The following APBA1 variants were observed in gnomAD, a reference collection of about 807,000 sequenced individuals.
APBA1 encodes amyloid beta precursor protein binding family A member 1, also known as amyloid-beta A4 precursor protein-binding family A member 1.
APBA1 carries 55 observed loss-of-function variants against 86.6 expected under a neutral mutation model. The observed-to-expected ratio is 0.64, with a 90% confidence interval of 0.51 to 0.80. The LOEUF is 0.80. APBA1 is among the 30% of genes least tolerant of loss of function. APBA1 has a pLI of 0.00. For missense variants in APBA1, 1,090 were observed against 1,183.0 expected, an observed-to-expected ratio of 0.92 and a Z score of 1.15; for synonymous variants, 511 against 493.9, an observed-to-expected ratio of 1.03 and a Z score of -0.46.
chr9:69,655,249 A>G (rs1018084043), intron 1 of APBA1, among the ~76,000 whole-genome samples: 2 of 152,154 alleles, frequency 1.3e-5, no homozygotes, highest in African/African-American at 4.8e-5. Flanking sequence ...CCACATTGGG[A>G]AGGAAGAAGT....
chr9:69,660,864 A>G (rs1166089028), intron 1 of APBA1, among the ~76,000 whole-genome samples: 1 of 152,148 alleles, frequency 6.6e-6, no homozygotes, highest in Non-Finnish European at 1.5e-5. Context: ...TGAAAGGACA[A>G]GAGAGATGGA....
intron 1 of APBA1, among the ~76,000 whole-genome samples, chr9:69,545,367 C>T (rs2133922409): frequency 6.6e-6 from 1 of 152,328 alleles, no homozygotes; most frequent in East Asian, 1.9e-4. Context: ...TATGGCCAGG[C>T]TGCACCTCTG....
intron 1 of APBA1, among the ~76,000 whole-genome samples, chr9:69,644,856 T>A (rs945906471): frequency 6.6e-6 from 1 of 152,162 alleles, no homozygotes; most frequent in Admixed American, 6.5e-5. Context: ...TTCAAGAAGA[T>A]GTCTGGTAGC....
intron 2 of APBA1, among the ~76,000 whole-genome samples, chr9:69,505,455 AG>A (rs1490598595): frequency 6.6e-6 from 1 of 152,094 alleles, no homozygotes; most frequent in Non-Finnish European, 1.5e-5. Flanking sequence ...CATCACAGCC[AG>A]TTACCACTAG....
chr9:69,483,152 C>CAAAAAAAA (rs1554691982), intron 2 of APBA1, among the ~76,000 whole-genome samples: 3 of 133,754 alleles, frequency 2.2e-5, no homozygotes, highest in Non-Finnish European at 3.2e-5. Context: ...AACAAAAAAA[C>CAAAAAAAA]GAAACAAAAA....
chr9:69,567,922 T>C (rs935808659), intron 1 of APBA1, among the ~76,000 whole-genome samples: 1 of 152,096 alleles, frequency 6.6e-6, no homozygotes, highest in African/African-American at 2.4e-5. Flanking sequence ...GGAGAAATGA[T>C]GAAAACTCTT....
intron 5 of APBA1, among the ~76,000 whole-genome samples, chr9:69,459,157 C>T (rs1835150317): frequency 6.6e-6 from 1 of 152,242 alleles, no homozygotes; most frequent in African/African-American, 2.4e-5. Context: ...GGTCAGAGAA[C>T]ACAGTCTGTA....
At position 69,516,752 on chromosome 9, in the gene APBA1, G is replaced by A. The variant is rs768748343; in HGVS notation, c.459C>T (p.His153=). 2 of 1,612,036 alleles carry A rather than the reference G, an allele frequency of 1.2e-6. No individual in the cohort carries two copies. Among genetic ancestry groups the A allele is most frequent in the Admixed American group, 1.7e-5 (1 of 59,946 alleles). ...TCATGGCTTCCTCGTGCTCCAGCGA[G>A]TGGAAGTGCAGGTGGTTGGGCAGCG... is the stretch of plus-strand genomic sequence containing the variant. ...RRALPNHLHF[H]SLEHEEAMNA... is the part of the protein sequence containing the mutation. Residue 153 remains histidine (H), a synonymous_variant, in exon 2 of 13, where the codon CAC becomes CAT. Coordinates refer to ENST00000265381, the MANE Select transcript of APBA1 (RefSeq NM_001163.4). This position sits in a 1 kb window ranked among gnomAD's most constrained non-coding sequence, Gnocchi z 7.3.
In APBA1 at chr9:69,578,032, T is replaced by G. The variant is rs76639941; in HGVS notation, c.-69-60753A>C. Among the ~76,000 whole-genome samples, 1,303 of 152,316 alleles carry G rather than the reference T, an allele frequency of 8.6e-3. 19 individuals carry two copies. Among genetic ancestry groups the G allele is most frequent in the African/African-American group, 0.03 (1,229 of 41,568 alleles). ...CTCACCTAAAATGAAGGACCCTAGATTGGCTGTGTTGAAGGTAAGTGTAAA... is the reference window on the plus strand; with the variant it reads ...CTCACCTAAAATGAAGGACCCTAGAGTGGCTGTGTTGAAGGTAAGTGTAAA... On this transcript the variant is annotated intron_variant, in intron 1 of 12. Coordinates refer to ENST00000265381, the MANE Select transcript of APBA1 (RefSeq NM_001163.4).
intron 1 of APBA1, among the ~76,000 whole-genome samples, chr9:69,564,858 A>G (rs2133942080): frequency 6.6e-6 from 1 of 152,356 alleles, no homozygotes; most frequent in Non-Finnish European, 1.5e-5. Flanking sequence ...TCAAGCAGAT[A>G]CTTGTATATC....
In APBA1 at chr9:69,668,671, C is replaced by T. The variant is rs574540859; in HGVS notation, c.-70+3482G>A. Reference sequence around the variant, plus strand: ...TAGCTTGGCGTACAAGTTGCTCCACCACCTTGAACAAACCTCTCTTTCTTG... The same window carrying T: ...TAGCTTGGCGTACAAGTTGCTCCACTACCTTGAACAAACCTCTCTTTCTTG... On this transcript the variant is annotated intron_variant, in intron 1 of 12. Coordinates refer to ENST00000265381, the MANE Select transcript of APBA1 (RefSeq NM_001163.4). Among the ~76,000 whole-genome samples the T allele has an allele frequency of 1.4e-4, 21 of 152,322 alleles. No individual in the cohort carries two copies. The South Asian group carries it at 3.5e-3, about 26-fold the overall frequency.
rs1230636691 is a variant in APBA1, at chr9:69,516,387, G to A, written c.824C>T (p.Ala275Val). ...CGAGCTCATGCTCTGCTTCACCTCG[G>A]CCACTATCTGGTCGATGTCCTCCTC... Reference protein sequence around the residue: ...EQEEDIDQIVAEVKQSMSSQS... With the variant: ...EQEEDIDQIVVEVKQSMSSQS... Residue 275 changes from alanine (A) to valine (V), a missense_variant, in exon 2 of 13, where the codon GCC becomes GTC. Ala to Val is a moderately conservative substitution (Grantham distance 64, BLOSUM62 0). Transcript: ENST00000265381. This position sits in a 1 kb window ranked among gnomAD's most constrained non-coding sequence, Gnocchi z 7.3. 1 of 1,603,382 alleles carries A rather than the reference G, an allele frequency of 6.2e-7. No homozygotes were observed. The highest frequency in any genetic ancestry group is 1.1e-5 in the South Asian group (1 of 90,948).
In APBA1 at chr9:69,530,323, T is replaced by C. The variant is rs369813395; in HGVS notation, c.-69-13044A>G. 6.8e-3 allele frequency among the ~76,000 whole-genome samples: 791 copies of C among 116,136 alleles called. 1 individual carries two copies. Among genetic ancestry groups the C allele is most frequent in the African/African-American group, 0.017 (583 of 34,362 alleles). The allele number at this position is 116,136 out of a possible 152,430, so 76.2% of individuals were successfully genotyped here. On this transcript the variant is annotated intron_variant, in intron 1 of 12. Transcript: ENST00000265381. ...GTGTGTGTGTATATATATATATATA[T>C]ATATATACACACACACACACACACA...
At chr9:69,543,276 TCCCC>T (rs5898083) in intron 1 of APBA1, among the ~76,000 whole-genome samples, 4 of 145,184 alleles carry the variant, frequency 2.8e-5, no homozygotes, top group African/African-American at 5.2e-5. Context: ...TGCTGGGATT[TCCCC>T]CCCCCCCCCC....
intron 10 of APBA1, among the ~76,000 whole-genome samples, chr9:69,448,559 G>A (rs1358736076): frequency 6.6e-6 from 1 of 152,100 alleles, no homozygotes; most frequent in African/African-American, 2.4e-5. Flanking sequence ...CCATCCATGT[G>A]TCCTATACAC....
intron 1 of APBA1, among the ~76,000 whole-genome samples, chr9:69,633,205 T>C (rs1472247884): frequency 1.3e-5 from 2 of 152,098 alleles, no homozygotes; most frequent in African/African-American, 4.8e-5. Context: ...AGCTCCCCAC[T>C]GTTGCAAACC....
chr9:69,516,661 A>T lies in APBA1; in HGVS notation c.550T>A (p.Ser184Thr). 1 of 1,608,814 alleles carries T rather than the reference A, an allele frequency of 6.2e-7. No homozygotes were observed. Among genetic ancestry groups the T allele is most frequent in the South Asian group, 1.1e-5 (1 of 90,638 alleles). Reference sequence around the variant, plus strand: ...CCGCCGTAGTCGGCATAGGGCTCGGAGTAGGGCTCGTCCTCACCGCGGTGG... The same window carrying T: ...CCGCCGTAGTCGGCATAGGGCTCGGTGTAGGGCTCGTCCTCACCGCGGTGG... ...LFHRGEDEPY[S>T]EPYADYGGLQ... Residue 184 changes from serine to threonine, a missense_variant, in exon 2 of 13, where the codon TCC becomes ACC. By Grantham distance (58) the Ser-to-Thr change is moderately conservative. Coordinates refer to ENST00000265381, the MANE Select transcript of APBA1 (RefSeq NM_001163.4). This position sits in a 1 kb window ranked among gnomAD's most constrained non-coding sequence, Gnocchi z 7.3.
At chr9:69,536,907 A>T (rs1836521291) in intron 1 of APBA1, among the ~76,000 whole-genome samples, 1 of 150,514 alleles carries the variant, frequency 6.6e-6, no homozygotes, top group Admixed American at 6.6e-5. Flanking sequence ...AAACAAAAAA[A>T]ATTTACATAG....
chr9:69,582,366 T>C (rs1002416704), intron 1 of APBA1, among the ~76,000 whole-genome samples: 2 of 152,164 alleles, frequency 1.3e-5, no homozygotes, highest in African/African-American at 2.4e-5. Flanking sequence ...CTGCTTCTAC[T>C]GCGGGACGGG....
Sources: gnomAD v4.1 joint callset for allele counts (sites outside exome capture counted in the v4.1 genomes callset) on GRCh38, gnomAD v4.1.1 for gene constraint, Gnocchi (gnomAD v3.1) non-coding constraint, MANE v1.5 for transcripts, NCBI Gene and HGNC (gene_info 2026-07-23, HGNC 2026-07-21) for gene names.